Variants in MRTFB observed in about 807,000 individuals in gnomAD.
The protein encoded by MRTFB is myocardin related transcription factor B, also known as myocardin-related transcription factor B.
In MRTFB, 29 loss-of-function variants were observed where a neutral mutation model predicts 104.2. The ratio of observed to expected loss-of-function variants is 0.28; its 90% CI spans 0.21 to 0.38. MRTFB has a LOEUF of 0.38. Among genes scored for constraint, MRTFB ranks in the 10% least tolerant of loss-of-function variants. The pLI, the probability that MRTFB is intolerant of heterozygous loss-of-function variation, is 1.00. For missense variants in MRTFB, 1,270 were observed against 1,341.6 expected (o/e 0.95, Z 0.83); for synonymous variants, 535 against 519.5 (o/e 1.03, Z -0.41).
rs1555495148 is a variant in MRTFB, at chr16:14,177,903, G to GGGGTGTGTGT, written c.155-32339_155-32338insGGTGTGTGTG. 1.4e-5 allele frequency among the ~76,000 whole-genome samples: 2 copies of GGGGTGTGTGT among 145,962 alleles called. No individual in the cohort carries two copies. Among genetic ancestry groups the GGGGTGTGTGT allele is most frequent in the African/African-American group, 5.0e-5 (2 of 40,110 alleles). On this transcript the variant is annotated intron_variant, in intron 3 of 16. Transcript: ENST00000571589. This position sits in a 1 kb window ranked among gnomAD's most constrained non-coding sequence, Gnocchi z 4.7. ...CGAGAAGTACATGAACCAGAGGTAG[G>GGGGTGTGTGT]GTGTGTGTGTGTGTGTGTGTGTGTG...
chr16:14,146,486 T>A (rs967694794), intron 3 of MRTFB, among the ~76,000 whole-genome samples: 3 of 152,242 alleles, frequency 2.0e-5, no homozygotes, highest in Non-Finnish European at 4.4e-5. Context: ...TTTTCAGTTC[T>A]TGAAATGATC....
At chr16:14,173,436 C>A (rs1597149815) in intron 3 of MRTFB, among the ~76,000 whole-genome samples, 1 of 151,988 alleles carries the variant, frequency 6.6e-6, no homozygotes, top group South Asian at 2.1e-4. Flanking sequence ...GAGTTTTTAT[C>A]ATCTTTATTT....
chr16:14,184,933 C>T (rs953212306), intron 3 of MRTFB, among the ~76,000 whole-genome samples: 2 of 152,208 alleles, frequency 1.3e-5, no homozygotes, highest in African/African-American at 4.8e-5. Flanking sequence ...CATACACAAT[C>T]ATAGCGACCA....
At chr16:14,096,489 T>G (rs182336593) in intron 2 of MRTFB, among the ~76,000 whole-genome samples, 3 of 152,318 alleles carry the variant, frequency 2.0e-5, no homozygotes, top group Admixed American at 2.0e-4. Context: ...TAGGAGTTCA[T>G]TGGATTCTTT....
chr16:14,057,724 G>A, the MRTFB span, among the ~76,000 whole-genome samples: 10 of 150,588 alleles, frequency 6.6e-5, no homozygotes, highest in East Asian at 6.3e-4. Context: ...GGAATGCTTC[G>A]CTGAAAACCC....
chr16:14,200,277 C>G, intron 3 of MRTFB: 1 of 1,549,924 alleles, frequency 6.5e-7, no homozygotes. Context: ...TAAGAAAGAG[C>G]TAGATTCTGA....
rs2043865098 is a variant in MRTFB, at chr16:14,264,020, C to T, written c.*2576C>T. 1 of 152,264 alleles carries T rather than the reference C, an allele frequency of 6.6e-6. No homozygotes were observed. Among genetic ancestry groups the T allele is most frequent in the Middle Eastern group, 3.4e-3 (1 of 294 alleles). The allele number at this position is 152,264 out of a possible 1,614,324, so 9.4% of individuals were successfully genotyped here. ...ACTCTGTAAACAAGGCCCTTCTGAC[C>T]GGACTCAGTGCGTGTGATGGTGAGT... is the stretch of plus-strand genomic sequence containing the variant. On this transcript the variant is annotated 3_prime_UTR_variant, in exon 17 of 17. Transcript: ENST00000571589.
chr16:14,060,543 C>T, the MRTFB span, among the ~76,000 whole-genome samples: 1 of 152,164 alleles, frequency 6.6e-6, no homozygotes, highest in Admixed American at 6.5e-5. Context: ...CTACGTAGCC[C>T]TCAAGGGTAG....
chr16:14,025,031 G>T, the MRTFB span, among the ~76,000 whole-genome samples: 1 of 152,152 alleles, frequency 6.6e-6, no homozygotes, highest in Non-Finnish European at 1.5e-5. Flanking sequence ...ACATAATATA[G>T]TAATAGAACA....
In MRTFB at chr16:14,186,334, T is replaced by C. The variant is rs2039951575; in HGVS notation, c.155-23909T>C. ...TCTGCTGAGATAAGAGCCGCTTCCT[T>C]CAGATGCCCTAGACTGCCGTTTGTG... On this transcript the variant is annotated intron_variant, in intron 3 of 16. Transcript: ENST00000571589. 5.3e-5 allele frequency among the ~76,000 whole-genome samples: 8 copies of C among 152,312 alleles called. 1 individual carries two copies. The South Asian group carries it at 1.7e-3, about 32-fold the overall frequency.
chr16:14,200,250 A>G, intron 3 of MRTFB: 1 of 1,417,980 alleles, frequency 7.1e-7, no homozygotes, highest in Non-Finnish European at 9.8e-7. Context: ...ATACATCCAT[A>G]TGTTAGATAC....
upstream of MRTFB, among the ~76,000 whole-genome samples, chr16:14,070,741 A>C (rs1049720921): frequency 1.3e-5 from 2 of 152,270 alleles, no homozygotes; most frequent in African/African-American, 4.8e-5. Flanking sequence ...TTGAACGGAA[A>C]GAGGGACAGG....
chr16:14,256,125 GAA>G (rs1258790938), intron 15 of MRTFB, among the ~76,000 whole-genome samples: 1 of 91,670 alleles, frequency 1.1e-5, no homozygotes, highest in Non-Finnish European at 2.0e-5. Context: ...AAAAAAAAAA[GAA>G]AGAAAGAAAA....
At chr16:14,024,009 C>T in the MRTFB span, among the ~76,000 whole-genome samples, 1 of 152,130 alleles carries the variant, frequency 6.6e-6, no homozygotes, top group East Asian at 1.9e-4. Flanking sequence ...CAAGATCACA[C>T]CACTGCACTC....
chr16:14,135,270 C>A (rs1333587987), intron 2 of MRTFB, among the ~76,000 whole-genome samples: 1 of 152,182 alleles, frequency 6.6e-6, no homozygotes, highest in Admixed American at 6.5e-5. Flanking sequence ...TGCAAATGGG[C>A]CATCCTCAAG....
At chr16:14,163,833 CAAA>C (rs71715684) in intron 3 of MRTFB, among the ~76,000 whole-genome samples, 5 of 102,154 alleles carry the variant, frequency 4.9e-5, no homozygotes, top group Non-Finnish European at 7.0e-5. Context: ...AACTCTGTCT[CAAA>C]AAAAAAAAAA....
intron 1 of MRTFB, among the ~76,000 whole-genome samples, chr16:14,073,071 C>T (rs1195735839): frequency 6.6e-6 from 1 of 152,170 alleles, no homozygotes; most frequent in African/African-American, 2.4e-5. Flanking sequence ...GAAACGATCG[C>T]TAATGTTTAG....
intron 3 of MRTFB, chr16:14,152,283 T>G (rs2142797881): frequency 6.6e-6 from 1 of 152,132 alleles, no homozygotes; most frequent in East Asian, 1.9e-4. Context: ...GAAATTATCT[T>G]TGTATAAACA....
intron 15 of MRTFB, among the ~76,000 whole-genome samples, chr16:14,253,593 C>T (rs2043346594): frequency 6.6e-6 from 1 of 152,204 alleles, no homozygotes; most frequent in African/African-American, 2.4e-5. Flanking sequence ...CCTACGCTTC[C>T]TTGACCCACT....
Sources: gnomAD v4.1 joint callset for allele counts (sites outside exome capture counted in the v4.1 genomes callset) on GRCh38, gnomAD v4.1.1 for gene constraint, Gnocchi (gnomAD v3.1) non-coding constraint, MANE v1.5 for transcripts, NCBI Gene and HGNC (gene_info 2026-07-23, HGNC 2026-07-21) for gene names.